Variants in CAMK2D observed in about 807,000 individuals in gnomAD.
CAMK2D encodes the protein calcium/calmodulin dependent protein kinase II delta.
CAMK2D carries 37 observed loss-of-function variants against 84.0 expected under a neutral mutation model. That is an observed-to-expected ratio of 0.44 (90% CI 0.34 to 0.58). The LOEUF is 0.58. Ranked by LOEUF, CAMK2D falls within the 20% of genes least tolerant of loss-of-function variation. The probability of loss-of-function intolerance (pLI) is 0.02; values close to 1 mark genes in which losing one functional copy is unlikely to be tolerated. For synonymous variants in CAMK2D, 202 were observed against 212.5 expected (o/e 0.95, Z 0.43); for missense variants, 448 against 652.5 (o/e 0.69, Z 3.41).
At chr4:113,523,013 C>CAGCT (rs949588049) in intron 8 of CAMK2D, among the ~76,000 whole-genome samples, 18 of 152,120 alleles carry the variant, frequency 1.2e-4, no homozygotes, top group African/African-American at 4.3e-4. Context: ...AAGAAGACGG[C>CAGCT]AGCTAGCTAG....
chr4:113,479,149 G>A lies in CAMK2D; in HGVS notation c.1136-13545C>T, dbSNP rs1273169412. On this transcript the variant is annotated intron_variant, in intron 16 of 20. Coordinates refer to ENST00000511664, the MANE Select transcript of CAMK2D (RefSeq NM_001321571.2). Reference sequence around the variant, plus strand: ...GTTTCTTTTGAGGAAACACTGAACCGGGTAATCACAATTTCTAAAAGGGAC... The same window carrying A: ...GTTTCTTTTGAGGAAACACTGAACCAGGTAATCACAATTTCTAAAAGGGAC... Among the ~76,000 whole-genome samples the A allele has an allele frequency of 2.6e-5, 4 of 152,122 alleles. No homozygotes were observed. The East Asian group carries it at 5.8e-4, about 22-fold the overall frequency.
At chr4:113,556,898 G>A (rs940794291) in intron 4 of CAMK2D, among the ~76,000 whole-genome samples, 3 of 152,150 alleles carry the variant, frequency 2.0e-5, no homozygotes, top group East Asian at 1.9e-4. Context: ...TGGCTCACAG[G>A]AAGAGCTTAA....
In CAMK2D at chr4:113,583,846, G is replaced by C. The variant is rs2098822142; in HGVS notation, c.275+25306C>G. ...ATGTAGATTAACATCACCTGCATGT[G>C]CATTTTATTCCCATTGTGGACTAAG... On this transcript the variant is annotated intron_variant, in intron 4 of 20. Transcript: ENST00000511664. Among the ~76,000 whole-genome samples, 4 of 152,172 alleles carry C rather than the reference G, an allele frequency of 2.6e-5. No individual in the cohort carries two copies. In the South Asian group the frequency reaches 6.2e-4, roughly 24 times the overall value.
intron 3 of CAMK2D, among the ~76,000 whole-genome samples, chr4:113,657,244 G>A (rs774248036): frequency 5.3e-5 from 8 of 152,010 alleles, no homozygotes; most frequent in Non-Finnish European, 8.8e-5. Context: ...GTAGCCACCC[G>A]GTCCCCTGGT....
At chr4:113,601,365 A>C (rs940799971) in intron 4 of CAMK2D, among the ~76,000 whole-genome samples, 8 of 152,178 alleles carry the variant, frequency 5.3e-5, no homozygotes, top group African/African-American at 1.9e-4. Flanking sequence ...AAATATAACA[A>C]AATCATTAAT....
At chr4:113,552,135 CAA>C in intron 4 of CAMK2D, 39 bp from the exon 5 acceptor site, 6 of 1,120,508 alleles carry the variant, frequency 5.4e-6, no homozygotes, top group South Asian at 2.8e-5. Flanking sequence ...TAAAAAGAAG[CAA>C]AAAAAAATAA....
intron 4 of CAMK2D, among the ~76,000 whole-genome samples, chr4:113,578,028 T>C (rs529926234): frequency 3.5e-4 from 53 of 152,328 alleles, no homozygotes; most frequent in South Asian, 2.9e-3. Flanking sequence ...GGTTGCAGAA[T>C]CTGGCTGAGT....
At chr4:113,698,390 A>G (rs548889111) in intron 2 of CAMK2D, among the ~76,000 whole-genome samples, 2 of 152,146 alleles carry the variant, frequency 1.3e-5, no homozygotes, top group East Asian at 3.9e-4. Context: ...CCTCAAATTC[A>G]TCATCCGTAA....
At chr4:113,459,578 C>A (rs1042418699) in intron 18 of CAMK2D, among the ~76,000 whole-genome samples, 1 of 150,156 alleles carries the variant, frequency 6.7e-6, no homozygotes, top group African/African-American at 2.5e-5. Context: ...TTTGTAACTG[C>A]TTTATAGCTT....
intron 12 of CAMK2D, among the ~76,000 whole-genome samples, chr4:113,510,604 A>G (rs570343895): frequency 6.6e-6 from 1 of 152,304 alleles, no homozygotes; most frequent in African/African-American, 2.4e-5. Flanking sequence ...GACAATTAGT[A>G]CACCAAGTGT....
At chr4:113,608,074 A>G (rs1365609576) in intron 4 of CAMK2D, among the ~76,000 whole-genome samples, 1 of 152,210 alleles carries the variant, frequency 6.6e-6, no homozygotes, top group African/African-American at 2.4e-5. Flanking sequence ...ATAAAAACTT[A>G]TGCAATAGAA....
At chr4:113,663,783 C>G (rs2099246591) in intron 2 of CAMK2D, among the ~76,000 whole-genome samples, 1 of 151,390 alleles carries the variant, frequency 6.6e-6, no homozygotes, top group African/African-American at 2.4e-5. Flanking sequence ...AGCAAAAGAC[C>G]TTTACAGACA....
intron 16 of CAMK2D, among the ~76,000 whole-genome samples, chr4:113,474,682 T>C (rs1247788032): frequency 6.6e-6 from 1 of 152,092 alleles, no homozygotes; most frequent in East Asian, 1.9e-4. Flanking sequence ...GTTTTGCTCT[T>C]GTCCCCCAGG....
intron 2 of CAMK2D, among the ~76,000 whole-genome samples, chr4:113,713,133 G>A (rs1316472709): frequency 6.6e-6 from 1 of 151,866 alleles, no homozygotes; most frequent in Non-Finnish European, 1.5e-5. Context: ...ACCCTACTGA[G>A]GAGATGGTTA....
intron 3 of CAMK2D, among the ~76,000 whole-genome samples, chr4:113,646,717 G>C (rs114073921): frequency 0.015 from 2,252 of 152,288 alleles, 36 homozygotes; most frequent in East Asian, 0.067. Context: ...AGCTAAGAAG[G>C]GAGAGAGGGT....
intron 2 of CAMK2D, among the ~76,000 whole-genome samples, chr4:113,669,630 T>C (rs1032520120): frequency 1.3e-5 from 2 of 152,198 alleles, no homozygotes; most frequent in Admixed American, 6.5e-5. Context: ...TGTGATGGTG[T>C]TGCTGTCTTC....
At chr4:113,470,124 C>T (rs2097529447) in intron 16 of CAMK2D, among the ~76,000 whole-genome samples, 1 of 152,058 alleles carries the variant, frequency 6.6e-6, no homozygotes, top group African/African-American at 2.4e-5. Flanking sequence ...GACTACAAAA[C>T]CTTGCGTAAT....
At chr4:113,596,639 C>T (rs6819710) in intron 4 of CAMK2D, among the ~76,000 whole-genome samples, 5,635 of 152,190 alleles carry the variant, frequency 0.037, 351 homozygotes, top group African/African-American at 0.13. Context: ...GGTCAATTGT[C>T]GGTGTGCAGT....
intron 3 of CAMK2D, among the ~76,000 whole-genome samples, chr4:113,649,395 A>T (rs2099164068): frequency 6.6e-6 from 1 of 152,178 alleles, no homozygotes; most frequent in Non-Finnish European, 1.5e-5. Context: ...TTTATTTCTG[A>T]CACACATATA....
Sources: gnomAD v4.1 joint callset for allele counts (sites outside exome capture counted in the v4.1 genomes callset) on GRCh38, gnomAD v4.1.1 for gene constraint, MANE v1.5 for transcripts, NCBI Gene and HGNC (gene_info 2026-07-23, HGNC 2026-07-21) for gene names.